The following ATP1B3 variants were observed in gnomAD, a reference collection of about 807,000 sequenced individuals.
ATP1B3 encodes sodium/potassium-transporting ATPase subunit beta-3.
ATP1B3 carries 10 observed loss-of-function variants against 30.2 expected under a neutral mutation model. The ratio of observed to expected loss-of-function variants is 0.33; its 90% CI spans 0.20 to 0.56. The LOEUF is 0.56. Among genes scored for constraint, ATP1B3 ranks in the 20% least tolerant of loss-of-function variants. The pLI is 0.90. For synonymous variants in ATP1B3, 113 were observed against 117.0 expected (o/e 0.97, Z 0.22); for missense variants, 238 against 336.7 (o/e 0.71, Z 2.29).
In ATP1B3 at chr3:141,913,633, A is replaced by C; in HGVS notation, c.347-19A>C. ...ACCTTTTTTGGCTGATCTAGCACAC[A>C]TATATGTTTCCTTTTTAGCATATAC... On this transcript the variant is annotated intron_variant, in intron 3 of 6. Transcript: ENST00000286371. 2.5e-6 allele frequency: 4 copies of C among 1,602,748 alleles called. No individual in the cohort carries two copies. The highest frequency in any genetic ancestry group is 3.4e-6 in the Non-Finnish European group (4 of 1,175,936).
At chr3:141,898,275 T>C (rs747861499) in intron 1 of ATP1B3, among the ~76,000 whole-genome samples, 3 of 152,236 alleles carry the variant, frequency 2.0e-5, no homozygotes, top group Non-Finnish European at 4.4e-5. Flanking sequence ...TCAAAATTAA[T>C]AACTTTTTTG....
At chr3:141,878,457 G>A (rs563514255) in intron 1 of ATP1B3, among the ~76,000 whole-genome samples, 80 of 152,330 alleles carry the variant, frequency 5.3e-4, no homozygotes, top group Non-Finnish European at 1.0e-3. Context: ...GTGGTGGAGA[G>A]AGATTAATTT....
chr3:141,903,162 A>G (rs1418801312), intron 1 of ATP1B3: 1 of 153,550 alleles, frequency 6.5e-6, no homozygotes, highest in Admixed American at 6.4e-5. Context: ...TTAAAACTTA[A>G]ATTTAAGCAA....
chr3:141,924,403 C>T (rs1204978522), intron 6 of ATP1B3, among the ~76,000 whole-genome samples: 6 of 151,146 alleles, frequency 4.0e-5, no homozygotes, highest in African/African-American at 1.5e-4. Flanking sequence ...CTTTGGGAGG[C>T]CGAGGTAGGT....
At chr3:141,893,125 C>T (rs1933989877) in intron 1 of ATP1B3, among the ~76,000 whole-genome samples, 1 of 152,116 alleles carries the variant, frequency 6.6e-6, no homozygotes, top group South Asian at 2.1e-4. Flanking sequence ...TCTCCTGCCT[C>T]AGCCTCTCGA....
At chr3:141,883,949 C>T (rs545752952) in intron 1 of ATP1B3, among the ~76,000 whole-genome samples, 5 of 152,224 alleles carry the variant, frequency 3.3e-5, no homozygotes, top group Admixed American at 1.3e-4. Context: ...GCCTGGATCA[C>T]GCATCTGATA....
At chr3:141,916,614 TTG>T in intron 5 of ATP1B3, 1 of 1,197,612 alleles carries the variant, frequency 8.3e-7, no homozygotes, top group South Asian at 1.3e-5. Context: ...AAATTTATCA[TTG>T]TGCTAAATAT....
At chr3:141,895,842 G>A (rs780045440) in intron 1 of ATP1B3, among the ~76,000 whole-genome samples, 1 of 152,162 alleles carries the variant, frequency 6.6e-6, no homozygotes, top group Non-Finnish European at 1.5e-5. Context: ...CCACCAGCAG[G>A]ATGTGAGAGT....
chr3:141,902,007 C>A, intron 1 of ATP1B3: 1 of 601,976 alleles, frequency 1.7e-6, no homozygotes, highest in Non-Finnish European at 2.7e-6. Context: ...TTCCTGCAGA[C>A]ACCTAGATCT....
intron 1 of ATP1B3, among the ~76,000 whole-genome samples, chr3:141,890,733 C>A (rs1933935350): frequency 6.6e-6 from 1 of 150,820 alleles, no homozygotes. Flanking sequence ...CCACCACGCC[C>A]ACCTAATTTT....
chr3:141,907,263 A>G lies in ATP1B3; in HGVS notation c.335A>G (p.Lys112Arg). Residue 112 changes from lysine (K) to arginine (R), a missense_variant, in exon 3 of 7, where the codon AAG becomes AGG. Lys to Arg is a conservative substitution (Grantham distance 26). Transcript: ENST00000286371. Reference sequence around the variant, plus strand: ...GCAGGGTACATTGAAGACCTTAAGAAGTTTCTAAAACGTGAGTATGTTTTC... The same window carrying G: ...GCAGGGTACATTGAAGACCTTAAGAGGTTTCTAAAACGTGAGTATGTTTTC... Reference protein sequence around the residue: ...SYAGYIEDLKKFLKPYTLEEQ... With the variant: ...SYAGYIEDLKRFLKPYTLEEQ... 1 of 1,609,092 alleles carries G rather than the reference A, an allele frequency of 6.2e-7. No homozygotes were observed. Among genetic ancestry groups the G allele is most frequent in the Non-Finnish European group, 8.5e-7 (1 of 1,177,622 alleles).
Position 141,876,914 on chromosome 3 carries a change from A to G in ATP1B3, c.109+4A>G. The G allele has an allele frequency of 6.4e-7, 1 of 1,557,718 alleles. No individual in the cohort carries two copies. The highest frequency in any genetic ancestry group is 8.7e-7 in the Non-Finnish European group (1 of 1,153,552). Reference sequence around the variant, plus strand: ...GGGCGCACCGCCAAGAGCTGGGGTGAGCGGGCAGCAGCTGGGCGTCCGGGG... The same window carrying G: ...GGGCGCACCGCCAAGAGCTGGGGTGGGCGGGCAGCAGCTGGGCGTCCGGGG... On this transcript the variant is annotated splice_donor_region_variant and intron_variant, in intron 1 of 6. Coordinates refer to ENST00000286371, the MANE Select transcript of ATP1B3 (RefSeq NM_001679.4).
chr3:141,924,431 G>A (rs936562448), intron 6 of ATP1B3, among the ~76,000 whole-genome samples: 3 of 151,794 alleles, frequency 2.0e-5, no homozygotes, highest in East Asian at 3.9e-4. Context: ...CTGGGGTCAG[G>A]AGTTCGAGAC....
intron 1 of ATP1B3, among the ~76,000 whole-genome samples, chr3:141,882,366 T>A (rs1933743696): frequency 6.6e-6 from 1 of 152,248 alleles, no homozygotes; most frequent in Non-Finnish European, 1.5e-5. Context: ...AATAAGTTTT[T>A]AAAACATACC....
chr3:141,890,507 T>C (rs961108589), intron 1 of ATP1B3, among the ~76,000 whole-genome samples: 9 of 152,082 alleles, frequency 5.9e-5, no homozygotes, highest in Admixed American at 5.2e-4. Context: ...TTCACCATGT[T>C]GGCCAGGCTG....
At chr3:141,887,223 A>G (rs1207619925) in intron 1 of ATP1B3, among the ~76,000 whole-genome samples, 2 of 152,182 alleles carry the variant, frequency 1.3e-5, no homozygotes, top group African/African-American at 2.4e-5. Context: ...CTAGCATTTT[A>G]TTTACAAAAA....
At chr3:141,886,744 G>A (rs890788648) in intron 1 of ATP1B3, among the ~76,000 whole-genome samples, 1 of 152,146 alleles carries the variant, frequency 6.6e-6, no homozygotes, top group African/African-American at 2.4e-5. Context: ...ATGCCTTTTA[G>A]CCCAGCACTT....
At chr3:141,911,473 T>C (rs1934358467) in intron 3 of ATP1B3, among the ~76,000 whole-genome samples, 1 of 151,830 alleles carries the variant, frequency 6.6e-6, no homozygotes, top group African/African-American at 2.4e-5. Context: ...GGGTCATTCA[T>C]TCCTCCAGTT....
intron 2 of ATP1B3, among the ~76,000 whole-genome samples, chr3:141,904,124 T>A (rs1025455970): frequency 1.3e-5 from 2 of 152,216 alleles, no homozygotes; most frequent in South Asian, 4.1e-4. Context: ...ATAGTTTATC[T>A]TCACCATAAA....
Sources: gnomAD v4.1 joint callset for allele counts (sites outside exome capture counted in the v4.1 genomes callset) on GRCh38, gnomAD v4.1.1 for gene constraint, MANE v1.5 for transcripts, NCBI Gene and HGNC (gene_info 2026-07-23, HGNC 2026-07-21) for gene names.